GRID2: variants seen among roughly 807,000 people sequenced by gnomAD.
The protein encoded by GRID2 is glutamate ionotropic receptor delta type subunit 2.
In GRID2, 33 loss-of-function variants were observed where a neutral mutation model predicts 114.8. That is an observed-to-expected ratio of 0.29 (90% CI 0.22 to 0.38). The LOEUF (loss-of-function observed/expected upper bound fraction) is 0.38, where lower values mean the gene tolerates loss of function less well. Ranked by LOEUF, GRID2 falls within the 10% of genes least tolerant of loss-of-function variation. The pLI, the probability that GRID2 is intolerant of heterozygous loss-of-function variation, is 1.00. For synonymous variants in GRID2, 505 were observed against 449.9 expected, an observed-to-expected ratio of 1.12 and a Z score of -1.55; for missense variants, 1,184 against 1,257.7, an observed-to-expected ratio of 0.94 and a Z score of 0.89.
At chr4:92,784,630 G>A (rs1481148496) in intron 2 of GRID2, among the ~76,000 whole-genome samples, 1 of 151,812 alleles carries the variant, frequency 6.6e-6, no homozygotes, top group Non-Finnish European at 1.5e-5. Flanking sequence ...AATGTGAAAT[G>A]TTTGAAATAT....
intron 8 of GRID2, among the ~76,000 whole-genome samples, chr4:93,301,629 A>C (rs889651827): frequency 6.6e-6 from 1 of 152,186 alleles, no homozygotes; most frequent in Non-Finnish European, 1.5e-5. Flanking sequence ...TAATTTGAAG[A>C]TTCCATTTTG....
At chr4:92,595,792 A>G (rs1301158020) in intron 2 of GRID2, among the ~76,000 whole-genome samples, 1 of 152,100 alleles carries the variant, frequency 6.6e-6, no homozygotes, top group Non-Finnish European at 1.5e-5. Context: ...AGTGCAAGGA[A>G]ATATAATTAG....
intron 13 of GRID2, among the ~76,000 whole-genome samples, chr4:93,533,781 A>T (rs1320701587): frequency 6.6e-6 from 1 of 151,878 alleles, no homozygotes; most frequent in Admixed American, 6.6e-5. Flanking sequence ...TTCCTGGATT[A>T]TTGCAATAGC....
chr4:92,572,804 G>T (rs1727695685), intron 1 of GRID2, among the ~76,000 whole-genome samples: 1 of 152,048 alleles, frequency 6.6e-6, no homozygotes, highest in Admixed American at 6.6e-5. Flanking sequence ...GTATCTGTCA[G>T]ATTTTGGTAT....
intron 14 of GRID2, among the ~76,000 whole-genome samples, chr4:93,683,372 C>G (rs1725774152): frequency 6.6e-6 from 1 of 151,976 alleles, no homozygotes; most frequent in Admixed American, 6.6e-5. Flanking sequence ...CAGTCTTTGA[C>G]TGGAATTCGC....
At chr4:93,301,825 A>C (rs993392901) in intron 8 of GRID2, among the ~76,000 whole-genome samples, 1 of 152,294 alleles carries the variant, frequency 6.6e-6, no homozygotes, top group Admixed American at 6.5e-5. Context: ...TTGTTTTGAA[A>C]TGTGTTCTGA....
At chr4:93,454,587 C>T (rs1396857115) in intron 10 of GRID2, among the ~76,000 whole-genome samples, 1 of 152,066 alleles carries the variant, frequency 6.6e-6, no homozygotes, top group Non-Finnish European at 1.5e-5. Flanking sequence ...CGTACCCACA[C>T]TGCTTAACTT....
At chr4:93,728,293 A>T (rs1314312677) in intron 14 of GRID2, among the ~76,000 whole-genome samples, 1 of 151,994 alleles carries the variant, frequency 6.6e-6, no homozygotes, top group South Asian at 2.1e-4. Flanking sequence ...TACTTGAGCA[A>T]TTTTGAGTGA....
chr4:92,337,673 G>A (rs1157322698), intron 1 of GRID2, among the ~76,000 whole-genome samples: 1 of 152,096 alleles, frequency 6.6e-6, no homozygotes, highest in African/African-American at 2.4e-5. Context: ...CTCACTATCA[G>A]AAGAACTGCT....
At chr4:93,302,646 G>T (rs1304592226) in intron 8 of GRID2, 1 of 453,460 alleles carries the variant, frequency 2.2e-6, no homozygotes, top group Admixed American at 2.4e-5. Context: ...ACTTGCAAAG[G>T]TAAGTATAAA....
intron 14 of GRID2, among the ~76,000 whole-genome samples, chr4:93,694,707 G>A (rs1726860108): frequency 6.6e-6 from 1 of 151,910 alleles, no homozygotes; most frequent in African/African-American, 2.4e-5. Flanking sequence ...GGGCATCAAC[G>A]TCGACCACCC....
At chr4:92,367,117 T>C (rs752135405) in intron 1 of GRID2, among the ~76,000 whole-genome samples, 1 of 152,058 alleles carries the variant, frequency 6.6e-6, no homozygotes, top group African/African-American at 2.4e-5. Context: ...CATGATTAGA[T>C]TCAAATTATG....
intron 2 of GRID2, among the ~76,000 whole-genome samples, chr4:92,750,822 T>C (rs1036953995): frequency 6.6e-6 from 1 of 152,246 alleles, no homozygotes; most frequent in Non-Finnish European, 1.5e-5. Flanking sequence ...TTTACACAGA[T>C]ATTCAAATAT....
chr4:92,709,589 A>AATATAT lies in GRID2; in HGVS notation c.244+119318_244+119323dup, dbSNP rs1553919235. ...AGTGTAGAGAAAAAAAAAAAAAAAA[A>AATATAT]ATATATATATATATATATATGTAAT... On this transcript the variant is annotated intron_variant, in intron 2 of 15. Coordinates refer to ENST00000282020, the MANE Select transcript of GRID2 (RefSeq NM_001510.4). 3.8e-3 allele frequency among the ~76,000 whole-genome samples: 431 copies of AATATAT among 114,582 alleles called. 6 individuals carry two copies. The highest frequency in any genetic ancestry group is 0.024 in the East Asian group (82 of 3,450). 75.2% of individuals were successfully genotyped at this position (114,582 alleles called of 152,430 possible). A position where few individuals can be genotyped will look rare whatever the true frequency, so the allele number is the denominator to read the frequency against.
chr4:92,757,512 A>G (rs953938878), intron 2 of GRID2, among the ~76,000 whole-genome samples: 2 of 152,116 alleles, frequency 1.3e-5, no homozygotes, highest in Non-Finnish European at 2.9e-5. Context: ...ACAAGAAATC[A>G]TATGTATGTA....
chr4:92,877,176 G>T (rs141072136), intron 2 of GRID2, among the ~76,000 whole-genome samples: 1 of 152,300 alleles, frequency 6.6e-6, no homozygotes, highest in Non-Finnish European at 1.5e-5. Context: ...ACAAGGAAAT[G>T]AGAAAAATTT....
At chr4:93,450,488 A>C (rs1722581280) in intron 10 of GRID2, among the ~76,000 whole-genome samples, 1 of 151,902 alleles carries the variant, frequency 6.6e-6, no homozygotes, top group Admixed American at 6.6e-5. Flanking sequence ...TGTTCTTAGC[A>C]TTATATTCAA....
chr4:92,762,785 A>G (rs1346347902), intron 2 of GRID2, among the ~76,000 whole-genome samples: 1 of 152,204 alleles, frequency 6.6e-6, no homozygotes, highest in African/African-American at 2.4e-5. Context: ...TTAGATCTGC[A>G]TTACTTTTTA....
intron 1 of GRID2, among the ~76,000 whole-genome samples, chr4:92,424,978 T>C (rs1732086959): frequency 6.6e-6 from 1 of 152,032 alleles, no homozygotes; most frequent in South Asian, 2.1e-4. Context: ...TTTCAAATGT[T>C]AAAATTAAGT....
Sources: allele counts gnomAD v4.1 joint callset (sites outside exome capture counted in the v4.1 genomes callset), GRCh38; gene constraint gnomAD v4.1.1; transcripts MANE v1.5; gene names NCBI Gene and HGNC (gene_info 2026-07-23, HGNC 2026-07-21).